The following COL8A2 variants were observed in gnomAD, a reference collection of about 807,000 sequenced individuals.
COL8A2 encodes collagen type VIII alpha 2 chain, also known as collagen alpha-2(VIII) chain.
COL8A2 carries 16 observed loss-of-function variants against 24.0 expected under a neutral mutation model. The observed-to-expected ratio is 0.67, with a 90% CI of 0.45 to 1.01. The LOEUF (loss-of-function observed/expected upper bound fraction) is 1.01, where lower values mean the gene tolerates loss of function less well. Ranked by LOEUF, COL8A2 falls within the 50% of genes least tolerant of loss-of-function variation. The pLI is 0.00. For synonymous variants in COL8A2, 466 were observed against 424.5 expected (o/e 1.10, Z -1.20); for missense variants, 818 against 942.4 (o/e 0.87, Z 1.73).
rs1186313591 is a variant in COL8A2 at position 36,098,154 on chromosome 1, TG to T, written c.1526del (p.Pro509GlnfsTer84). ...EPGTAGPTGP[P>X]GVPGSPGITG... The stretch of plus-strand genomic sequence containing the variant: ...TGATTCCAGGGGAGCCAGGGACCCC[TG>T]GGGGCCCCGTGGGCCCAGCCGTGCC... On this transcript the variant is annotated frameshift_variant, in exon 4 of 4. Transcript: ENST00000397799. LOFTEE classifies it high-confidence loss of function. The T allele has an allele frequency of 1.3e-6, 2 of 1,483,692 alleles. No homozygotes were observed. Among genetic ancestry groups the T allele is most frequent in the Admixed American group, 2.5e-5 (1 of 39,842 alleles). The allele number at this position is 1,483,692 out of a possible 1,614,324, so 91.9% of individuals were successfully genotyped here. A position where few individuals can be genotyped will look rare whatever the true frequency, so the allele number is the denominator to read the frequency against.
intron 2 of COL8A2, 106 bp from the exon 3 acceptor site, chr1:36,100,364 G>C: frequency 9.7e-7 from 1 of 1,026,694 alleles, no homozygotes; most frequent in Non-Finnish European, 1.4e-6. Context: ...GGAGATTTCA[G>C]TCAAAAGGCT....
rs1231486275 is a variant in COL8A2, at chr1:36,123,219, C to G, written c.-62+1838G>C. 6.6e-6 allele frequency among the ~76,000 whole-genome samples: 1 copy of G among 152,214 alleles called. No individual in the cohort carries two copies. Among genetic ancestry groups the G allele is most frequent in the East Asian group, 1.9e-4 (1 of 5,196 alleles). On this transcript the variant is annotated intron_variant, in intron 1 of 3. Coordinates refer to ENST00000397799, the MANE Select transcript of COL8A2 (RefSeq NM_005202.4). This position sits in a 1 kb window ranked among gnomAD's most constrained non-coding sequence, Gnocchi z 4.1. ...AATTTCCTCCTGCCACGGATGGGAC[C>G]AGCGCATCTGAGACCCCACTTCCCT...
chr1:36,104,062 C>T (rs1643719953), intron 2 of COL8A2, among the ~76,000 whole-genome samples: 1 of 151,860 alleles, frequency 6.6e-6, no homozygotes, highest in Non-Finnish European at 1.5e-5. Flanking sequence ...GGCGTGGCAG[C>T]AGGCACCTGT....
Position 36,120,777 on chromosome 1 carries a change from G to GAGGA in COL8A2, c.-62+4276_-62+4279dup, listed in dbSNP as rs1354098143. Among the ~76,000 whole-genome samples, 722 of 144,830 alleles carry GAGGA rather than the reference G, an allele frequency of 5.0e-3. 10 individuals carry two copies. Among genetic ancestry groups the GAGGA allele is most frequent in the African/African-American group, 0.016 (614 of 39,094 alleles). Reference sequence around the variant, plus strand: ...AAAAAAAAAAAAATAGAGAGAGAGAGAGGAAGGAAGGAAGGAAGGAAGGAA... The same window carrying GAGGA: ...AAAAAAAAAAAAATAGAGAGAGAGAGAGGAAGGAAGGAAGGAAGGAAGGAAGGAA... On this transcript the variant is annotated intron_variant, in intron 1 of 3. Coordinates refer to ENST00000397799, the MANE Select transcript of COL8A2 (RefSeq NM_005202.4).
At position 36,098,263 on chromosome 1, in the gene COL8A2, G is replaced by A. The variant is rs755974044; in HGVS notation, c.1418C>T (p.Pro473Leu). 1 of 1,545,908 alleles carries A rather than the reference G, an allele frequency of 6.5e-7. No individual in the cohort carries two copies. The highest frequency in any genetic ancestry group is 8.7e-7 in the Non-Finnish European group (1 of 1,145,472). The change falls in exon 4 of 4, where the codon CCT becomes CTT. Residue 473 changes from proline to leucine, a missense_variant. Pro to Leu is a moderately conservative substitution (Grantham distance 98). This residue lies in a region of COL8A2 where 10 missense variants were observed against 28.3 expected (regional missense o/e 0.35). Transcript: ENST00000397799. Reference protein sequence around the residue: ...GIPGLQGPAGPIGPQGLPGLK... With the variant: ...GIPGLQGPAGLIGPQGLPGLK... ...GCCCGGCAGGCCTTGGGGCCCAATA[G>A]GGCCAGCTGGACCCTGGAGTCCTGG...
At chr1:36,109,954 G>C (rs1643816001) in intron 2 of COL8A2, among the ~76,000 whole-genome samples, 1 of 124,848 alleles carries the variant, frequency 8.0e-6, no homozygotes, top group South Asian at 2.5e-4. Context: ...TTTTGAGACG[G>C]AGTCTTGCTC....
Position 36,098,089 on chromosome 1 carries a change from C to T in COL8A2, c.1592G>A (p.Gly531Asp). 1 of 1,540,620 alleles carries T rather than the reference C, an allele frequency of 6.5e-7. No individual in the cohort carries two copies. The highest frequency in any genetic ancestry group is 8.7e-7 in the Non-Finnish European group (1 of 1,150,808). Residue 531 changes from glycine to aspartate, a missense_variant, in exon 4 of 4, where the codon GGT becomes GAT. By Grantham distance (94) the Gly-to-Asp change is moderately conservative. Around this residue, in one of 3 missense-constraint regions of COL8A2, gnomAD observed 235 missense variants for 297.3 expected, o/e 0.79. Transcript: ENST00000397799. ...PGPPGPPGPPGAPGAFDETGI... is the reference protein window; with the variant it reads ...PGPPGPPGPPDAPGAFDETGI... ...AGTCTCATCGAAGGCCCCAGGGGCA[C>T]CAGGGGGTCCCGGGGGCCCGGGAGG...
rs374713668 is a variant in COL8A2, at chr1:36,100,114, G to A, written c.129C>T (p.Tyr43=). 56 of 1,613,044 alleles carry A rather than the reference G, an allele frequency of 3.5e-5. No homozygotes were observed. The highest frequency in any genetic ancestry group is 4.3e-5 in the Non-Finnish European group (51 of 1,179,522). ...GGAAGYAPVK[Y]IQPMQKGPVG... is the part of the protein sequence containing the mutation. The stretch of plus-strand genomic sequence containing the variant: ...CAGGTCCTTTCTGCATGGGCTGGAT[G>A]TACTTCACTGGGGCATAGCCCGCCG... Residue 43 remains tyrosine, a synonymous_variant, in exon 3 of 4, where the codon TAC becomes TAT. Transcript: ENST00000397799.
In COL8A2 at chr1:36,115,694, C is replaced by T; in HGVS notation, c.-17+14G>A. 1.0e-6 allele frequency: 1 copy of T among 985,314 alleles called. No individual in the cohort carries two copies. Among genetic ancestry groups the T allele is most frequent in the Non-Finnish European group, 1.2e-6 (1 of 829,926 alleles). 61.0% of individuals were successfully genotyped at this position (985,314 alleles called of 1,614,324 possible). On this transcript the variant is annotated intron_variant, in intron 2 of 3. Coordinates refer to ENST00000397799, the MANE Select transcript of COL8A2 (RefSeq NM_005202.4). This position sits in a 1 kb window ranked among gnomAD's most constrained non-coding sequence, Gnocchi z 5.7. ...CTGAGATATCAGAAAACCCCATCCCCAAACCTAGCTTACCTTTCAGGTCGG... is the reference window on the plus strand; with the variant it reads ...CTGAGATATCAGAAAACCCCATCCCTAAACCTAGCTTACCTTTCAGGTCGG...
At chr1:36,116,526 C>A (rs916780216) in intron 1 of COL8A2, among the ~76,000 whole-genome samples, 1 of 152,250 alleles carries the variant, frequency 6.6e-6, no homozygotes, top group Admixed American at 6.5e-5. Flanking sequence ...CCCTGCCCTG[C>A]CTTGCCCTGA....
intron 2 of COL8A2, among the ~76,000 whole-genome samples, chr1:36,109,726 C>T (rs11803002): frequency 0.044 from 6,728 of 151,914 alleles, 472 homozygotes; most frequent in African/African-American, 0.15. Flanking sequence ...CACACCACCA[C>T]GCCCAGCTAA....
At chr1:36,121,251 T>A (rs1341193319) in intron 1 of COL8A2, among the ~76,000 whole-genome samples, 1 of 151,086 alleles carries the variant, frequency 6.6e-6, no homozygotes. Flanking sequence ...TAGCTGGGCA[T>A]GGTGGTGCTC....
intron 1 of COL8A2, among the ~76,000 whole-genome samples, chr1:36,120,777 GAGGAAGGAAGGA>G (rs1354098143): frequency 1.4e-5 from 2 of 144,734 alleles, no homozygotes; most frequent in Admixed American, 7.0e-5. Flanking sequence ...GAGAGAGAGA[GAGGAAGGAAGGA>G]AGGAAGGAAG....
intron 1 of COL8A2, among the ~76,000 whole-genome samples, chr1:36,122,819 C>T (rs1389003219): frequency 6.6e-6 from 1 of 152,258 alleles, no homozygotes; most frequent in African/African-American, 2.4e-5. Context: ...CACCCTTTCT[C>T]TAGACAGGGC....
At chr1:36,114,681 C>T (rs953584661) in intron 2 of COL8A2, among the ~76,000 whole-genome samples, 2 of 152,200 alleles carry the variant, frequency 1.3e-5, no homozygotes, top group South Asian at 4.1e-4. Context: ...AGCACCTCTT[C>T]CCCACCCACA....
rs1198087077 is a variant in COL8A2, at chr1:36,115,469, C to T, written c.-17+239G>A. 2.6e-5 allele frequency among the ~76,000 whole-genome samples: 4 copies of T among 152,116 alleles called. No homozygotes were observed. Among genetic ancestry groups the T allele is most frequent in the Non-Finnish European group, 4.4e-5 (3 of 68,018 alleles). Reference sequence around the variant, plus strand: ...AGGCTGGGCCAAGCAAACACGGCCCCGCCAAGGAGCCAGGCGAAATAGTTC... The same window carrying T: ...AGGCTGGGCCAAGCAAACACGGCCCTGCCAAGGAGCCAGGCGAAATAGTTC... On this transcript the variant is annotated intron_variant, in intron 2 of 3. Transcript: ENST00000397799. The surrounding 1 kb of genome is among the most constrained non-coding windows in gnomAD (Gnocchi z 5.7).
chr1:36,107,455 G>A (rs1643778028), intron 2 of COL8A2, among the ~76,000 whole-genome samples: 1 of 151,996 alleles, frequency 6.6e-6, no homozygotes, highest in South Asian at 2.1e-4. Flanking sequence ...TAGTGCCATG[G>A]AGGGAGAGTA....
intron 2 of COL8A2, among the ~76,000 whole-genome samples, chr1:36,113,052 G>C (rs772640678): frequency 6.6e-6 from 1 of 152,182 alleles, no homozygotes; most frequent in Non-Finnish European, 1.5e-5. Flanking sequence ...TAGGAAGGAG[G>C]GGGTAGAGAG....
chr1:36,124,691 T>A (rs1212562599), intron 1 of COL8A2, among the ~76,000 whole-genome samples: 1 of 152,130 alleles, frequency 6.6e-6, no homozygotes, highest in Non-Finnish European at 1.5e-5. Context: ...TCCACTACCC[T>A]GTGAAGGCGG....
Sources: gnomAD v4.1 joint callset for allele counts (sites outside exome capture counted in the v4.1 genomes callset) on GRCh38, gnomAD v4.1.1 for gene constraint, gnomAD v4.1.1 regional missense constraint, Gnocchi (gnomAD v3.1) non-coding constraint, MANE v1.5 for transcripts, NCBI Gene and HGNC (gene_info 2026-07-23, HGNC 2026-07-21) for gene names.